Variants in KIF16B observed in about 807,000 individuals in gnomAD.
KIF16B encodes kinesin-like protein KIF16B.
KIF16B carries 98 observed loss-of-function variants against 156.3 expected under a neutral mutation model. The observed-to-expected ratio is 0.63, with a 90% CI of 0.53 to 0.74. The LOEUF (loss-of-function observed/expected upper bound fraction) is 0.74, where lower values mean the gene tolerates loss of function less well. KIF16B is among the 30% of genes least tolerant of loss of function. The pLI, the probability that KIF16B is intolerant of heterozygous loss-of-function variation, is 0.00. For synonymous variants in KIF16B, 564 were observed against 583.7 expected (o/e 0.97, Z 0.49); for missense variants, 1,421 against 1,606.5 (o/e 0.88, Z 1.97).
rs2066075628 is a variant in KIF16B at position 16,415,922 on chromosome 20, G to A, written c.1613-9466C>T. ...AAATGCATGTAGTAGTTATTTGAGG[G>A]CCTTGGGAAGTAAAGAGTAGCTGTT... On this transcript the variant is annotated intron_variant, in intron 15 of 25. Transcript: ENST00000354981. Among the ~76,000 whole-genome samples the A allele has an allele frequency of 2.6e-5, 4 of 152,178 alleles. No homozygotes were observed. In the East Asian group the frequency reaches 7.7e-4, roughly 29 times the overall value.
At chr20:16,521,320 C>T (rs2069341672) in intron 3 of KIF16B, among the ~76,000 whole-genome samples, 2 of 151,892 alleles carry the variant, frequency 1.3e-5, no homozygotes, top group Admixed American at 6.6e-5. Flanking sequence ...TTGAGAAAAA[C>T]ATAAATGACC....
intron 21 of KIF16B, 63 bp downstream of exon 21, chr20:16,371,602 A>AAG (rs2064821873): frequency 3.7e-6 from 4 of 1,094,412 alleles, no homozygotes; most frequent in South Asian, 1.4e-5. Context: ...AAAAAAAAAA[A>AAG]AAAAGGAAAA....
intron 1 of KIF16B, among the ~76,000 whole-genome samples, chr20:16,529,527 G>T (rs1372274574): frequency 6.6e-6 from 1 of 152,158 alleles, no homozygotes; most frequent in Non-Finnish European, 1.5e-5. Flanking sequence ...TAATGTAAGT[G>T]CCATTATTCT....
chr20:16,396,753 C>G (rs535106749), intron 17 of KIF16B, among the ~76,000 whole-genome samples: 3 of 149,754 alleles, frequency 2.0e-5, no homozygotes, highest in Non-Finnish European at 4.4e-5. Flanking sequence ...CCCCGATTGT[C>G]GGTGACTTCA....
At chr20:16,506,223 G>A (rs932075387) in intron 7 of KIF16B, 33 bp from the exon 8 acceptor site, 2 of 1,570,002 alleles carry the variant, frequency 1.3e-6, no homozygotes, top group African/African-American at 1.3e-5. Context: ...AATTGAAGAG[G>A]TGCAAAGGGC....
intron 15 of KIF16B, among the ~76,000 whole-genome samples, chr20:16,408,945 C>T (rs895691410): frequency 2.0e-5 from 3 of 152,096 alleles, no homozygotes; most frequent in African/African-American, 7.2e-5. Context: ...TGAACACTTA[C>T]TGTATGCCAG....
intron 23 of KIF16B, among the ~76,000 whole-genome samples, chr20:16,354,601 A>G (rs1416204416): frequency 6.6e-6 from 1 of 152,218 alleles, no homozygotes; most frequent in Non-Finnish European, 1.5e-5. Context: ...GATCAAGGAC[A>G]TAGCGTAACA....
intron 24 of KIF16B, among the ~76,000 whole-genome samples, chr20:16,323,095 TA>T (rs1221773507): frequency 1.3e-5 from 2 of 152,050 alleles, no homozygotes; most frequent in African/African-American, 2.4e-5. Context: ...TCTTTACTAA[TA>T]AAAGGAAAAC....
At chr20:16,508,234 G>T in intron 6 of KIF16B, 134 bp from the exon 7 acceptor site, 1 of 1,009,168 alleles carries the variant, frequency 9.9e-7, no homozygotes, top group Non-Finnish European at 1.5e-6. Context: ...GTCTCTCTAG[G>T]GTGGTGGTAT....
chr20:16,346,976 T>C (rs1331507790), intron 23 of KIF16B, among the ~76,000 whole-genome samples: 1 of 152,218 alleles, frequency 6.6e-6, no homozygotes, highest in Non-Finnish European at 1.5e-5. Context: ...AAGCTCTGAA[T>C]TAACTCTGAC....
intron 12 of KIF16B, among the ~76,000 whole-genome samples, chr20:16,473,135 CA>C (rs2067710303): frequency 6.6e-6 from 1 of 152,160 alleles, no homozygotes; most frequent in African/African-American, 2.4e-5. Flanking sequence ...AAGTCCTGGA[CA>C]CCAAAACCGC....
intron 12 of KIF16B, among the ~76,000 whole-genome samples, chr20:16,481,711 G>T (rs771097238): frequency 3.3e-5 from 5 of 152,158 alleles, no homozygotes; most frequent in Non-Finnish European, 7.3e-5. Flanking sequence ...TGTGATGTCT[G>T]TGTGGCTAAA....
chr20:16,534,117 G>T (rs2069861918), intron 1 of KIF16B, among the ~76,000 whole-genome samples: 1 of 152,086 alleles, frequency 6.6e-6, no homozygotes, highest in Non-Finnish European at 1.5e-5. Flanking sequence ...AATTAGCCGA[G>T]CATGGTGGCA....
chr20:16,307,591 A>T (rs2063559370), intron 25 of KIF16B, among the ~76,000 whole-genome samples: 2 of 152,232 alleles, frequency 1.3e-5, no homozygotes, highest in African/African-American at 4.8e-5. Context: ...AGTGCTACTC[A>T]AAGTGTGGTC....
chr20:16,335,759 T>C (rs111709610), intron 24 of KIF16B, among the ~76,000 whole-genome samples, 167 bp downstream of exon 24: 28 of 152,236 alleles, frequency 1.8e-4, no homozygotes, highest in Admixed American at 6.5e-4. Context: ...AAGAAAAAAT[T>C]TAAAGTTATC....
At chr20:16,421,519 T>A (rs759523198) in intron 15 of KIF16B, among the ~76,000 whole-genome samples, 15 of 152,188 alleles carry the variant, frequency 9.9e-5, no homozygotes, top group Non-Finnish European at 1.5e-5. Context: ...TTTAAAAACA[T>A]GTTCCATTTC....
chr20:16,367,639 T>C (rs1402519322), intron 22 of KIF16B: 10 of 1,612,714 alleles, frequency 6.2e-6, no homozygotes, highest in Middle Eastern at 3.3e-4. Flanking sequence ...ATGAAGAAAG[T>C]AAATCATGTC....
intron 17 of KIF16B, among the ~76,000 whole-genome samples, chr20:16,394,227 T>C (rs566852392): frequency 6.6e-6 from 1 of 152,302 alleles, no homozygotes; most frequent in Admixed American, 6.5e-5. Flanking sequence ...CAATACAATC[T>C]GAAGTAACTG....
intron 11 of KIF16B, among the ~76,000 whole-genome samples, chr20:16,495,126 GAAGAGCC>G (rs1426103651): frequency 1.3e-5 from 2 of 152,204 alleles, no homozygotes; most frequent in Non-Finnish European, 2.9e-5. Flanking sequence ...CTGTGGAAAG[GAAGAGCC>G]AAGGTCTATA....
Sources: gnomAD v4.1 joint callset for allele counts (sites outside exome capture counted in the v4.1 genomes callset) on GRCh38, gnomAD v4.1.1 for gene constraint, MANE v1.5 for transcripts, NCBI Gene and HGNC (gene_info 2026-07-23, HGNC 2026-07-21) for gene names.